C8orf74: variants seen among roughly 807,000 people sequenced by gnomAD.
C8orf74 encodes the protein chromosome 8 open reading frame 74.
C8orf74 carries 29 observed loss-of-function variants against 22.2 expected under a neutral mutation model. The ratio of observed to expected loss-of-function variants is 1.31; its 90% CI spans 0.97 to 1.78. C8orf74 has a LOEUF of 1.78. Ranked by LOEUF, C8orf74 falls within the 40% of genes most tolerant of loss-of-function variation. The pLI is 0.00. For synonymous variants in C8orf74, 255 were observed against 163.1 expected, an observed-to-expected ratio of 1.56 and a Z score of -4.30; for missense variants, 515 against 369.9, an observed-to-expected ratio of 1.39 and a Z score of -3.22.
At chr8:10,677,608 C>A (rs1000117924) in intron 2 of C8orf74, among the ~76,000 whole-genome samples, 1 of 152,090 alleles carries the variant, frequency 6.6e-6, no homozygotes, top group African/African-American at 2.4e-5. Context: ...ACATCATTCC[C>A]ATAGACCCTG....
At chr8:10,675,233 G>C (rs1432328881) in intron 2 of C8orf74, among the ~76,000 whole-genome samples, 1 of 152,198 alleles carries the variant, frequency 6.6e-6, no homozygotes, top group East Asian at 1.9e-4. Flanking sequence ...TGCAGGTGCC[G>C]GGGGAGTCCT....
chr8:10,674,019 C>T (rs1347959372), intron 1 of C8orf74, among the ~76,000 whole-genome samples: 33 of 145,412 alleles, frequency 2.3e-4, no homozygotes, highest in African/African-American at 7.2e-4. Flanking sequence ...CCCCGCAACC[C>T]CCATATCATA....
intron 2 of C8orf74, chr8:10,691,153 C>A (rs1434585110): frequency 4.0e-5 from 14 of 349,382 alleles, no homozygotes; most frequent in East Asian, 3.0e-4. Flanking sequence ...TGTCTGGGGG[C>A]CGAAAGTTAG....
rs911108164 is a variant in C8orf74, at chr8:10,682,209, C to A, written c.241+7371C>A. ...ACCCCTCAGGCGAGACCTGGAGGGGCCTTTAAGTGAGACTTCATGATTGAT... is the reference window on the plus strand; with the variant it reads ...ACCCCTCAGGCGAGACCTGGAGGGGACTTTAAGTGAGACTTCATGATTGAT... On this transcript the variant is annotated intron_variant, in intron 2 of 3. Transcript: ENST00000304519. Among the ~76,000 whole-genome samples the A allele has an allele frequency of 9.9e-5, 15 of 152,266 alleles. No individual in the cohort carries two copies. The East Asian group carries it at 2.7e-3, about 27-fold the overall frequency.
intron 2 of C8orf74, chr8:10,686,465 G>C (rs1469914764): frequency 6.6e-6 from 1 of 152,234 alleles, no homozygotes; most frequent in African/African-American, 2.4e-5. Flanking sequence ...CTTAGCACTG[G>C]GCAGCAACCA....
rs772532179 is a variant in C8orf74 at position 10,691,339 on chromosome 8, G to C, written c.242-6260G>C. 6.4e-5 allele frequency: 12 copies of C among 186,172 alleles called. No individual in the cohort carries two copies. In the East Asian group the frequency reaches 1.4e-3, roughly 22 times the overall value. 11.5% of individuals were successfully genotyped at this position (186,172 alleles called of 1,614,324 possible). A position where few individuals can be genotyped will look rare whatever the true frequency, so the allele number is the denominator to read the frequency against. ...CACATTCACACTACTGAGCCTGGCA[G>C]ACTTCTCTTTTCAGATCTGGGTTTT... is the stretch of plus-strand genomic sequence containing the variant. On this transcript the variant is annotated intron_variant, in intron 2 of 3. Transcript: ENST00000304519.
At chr8:10,684,614 C>T (rs539408242) in intron 2 of C8orf74, among the ~76,000 whole-genome samples, 1 of 152,260 alleles carries the variant, frequency 6.6e-6, no homozygotes, top group African/African-American at 2.4e-5. Flanking sequence ...ATTTCAAAAC[C>T]CCAAGGGGTG....
chr8:10,684,125 A>G (rs1023815404), intron 2 of C8orf74, among the ~76,000 whole-genome samples: 13 of 152,158 alleles, frequency 8.5e-5, no homozygotes, highest in Non-Finnish European at 1.8e-4. Context: ...CCCTCTGCCC[A>G]TATCATCTCA....
chr8:10,700,437 C>T lies in C8orf74; in HGVS notation c.851C>T (p.Ala284Val), dbSNP rs199982496. The change falls in exon 4 of 4, where the codon GCG becomes GTG. Residue 284 changes from alanine to valine, a missense_variant. Physicochemically the swap from Ala to Val is moderately conservative, Grantham distance 64. Transcript: ENST00000304519. ...GAGGAAGCCCTGAAGCCCCAAAGAGCGAGCAAAGGAAAGAAAGCGAAGGCA... is the reference window on the plus strand; with the variant it reads ...GAGGAAGCCCTGAAGCCCCAAAGAGTGAGCAAAGGAAAGAAAGCGAAGGCA... ...GQEEALKPQR[A>V]SKGKKAKARK 44 of 1,602,580 alleles carry T rather than the reference C, an allele frequency of 2.7e-5. No individual in the cohort carries two copies. In the Admixed American group the frequency reaches 2.9e-4, roughly 11 times the overall value.
At chr8:10,698,605 G>C (rs1050823012) in intron 3 of C8orf74, among the ~76,000 whole-genome samples, 6 of 152,144 alleles carry the variant, frequency 3.9e-5, no homozygotes, top group African/African-American at 1.2e-4. Flanking sequence ...CCCATGACCA[G>C]CTCTTCAATG....
In C8orf74 at chr8:10,677,317, G is replaced by A. The variant is rs532523710; in HGVS notation, c.241+2479G>A. Among the ~76,000 whole-genome samples, 5 of 152,226 alleles carry A rather than the reference G, an allele frequency of 3.3e-5. No homozygotes were observed. In the East Asian group the frequency reaches 9.7e-4, roughly 29 times the overall value. Reference sequence around the variant, plus strand: ...TGTGGGCCCTGAGCATATTTATTGGGCTTCATATAATGCGACTAAGTACAT... The same window carrying A: ...TGTGGGCCCTGAGCATATTTATTGGACTTCATATAATGCGACTAAGTACAT... On this transcript the variant is annotated intron_variant, in intron 2 of 3. Coordinates refer to ENST00000304519, the MANE Select transcript of C8orf74 (RefSeq NM_001040032.2).
chr8:10,677,138 T>G (rs1799049746), intron 2 of C8orf74, among the ~76,000 whole-genome samples: 1 of 152,014 alleles, frequency 6.6e-6, no homozygotes, highest in South Asian at 2.1e-4. Context: ...TCTTCCAGCT[T>G]CCACAGACAC....
intron 2 of C8orf74, chr8:10,675,524 G>A (rs1414424602): frequency 1.3e-5 from 2 of 152,186 alleles, no homozygotes; most frequent in African/African-American, 2.4e-5. Context: ...TGAGAAATGG[G>A]ATACTTCCAT....
At chr8:10,693,231 C>T (rs1799421587) in intron 2 of C8orf74, among the ~76,000 whole-genome samples, 1 of 152,222 alleles carries the variant, frequency 6.6e-6, no homozygotes, top group African/African-American at 2.4e-5. Context: ...GGCCTTTGCA[C>T]AAGCTGCTCC....
chr8:10,690,565 C>G (rs918853440), intron 2 of C8orf74, among the ~76,000 whole-genome samples: 1 of 152,110 alleles, frequency 6.6e-6, no homozygotes, highest in African/African-American at 2.4e-5. Context: ...TGGTTCCTGC[C>G]CCTGGGAGGC....
At chr8:10,697,457 T>C (rs1030892625) in intron 2 of C8orf74, 142 bp from the exon 3 acceptor site, 4 of 670,776 alleles carry the variant, frequency 6.0e-6, no homozygotes, top group Non-Finnish European at 9.7e-6. Context: ...TCAAAAAAAA[T>C]AAATAGAAAT....
At chr8:10,691,051 C>CGAGGCCCAGGGAGT in intron 2 of C8orf74, 1 of 416,282 alleles carries the variant, frequency 2.4e-6, no homozygotes, top group South Asian at 1.7e-5. Context: ...CTTCTCAACC[C>CGAGGCCCAGGGAGT]GAGGCCCAGG....
intron 2 of C8orf74, among the ~76,000 whole-genome samples, chr8:10,683,166 T>G (rs546701651): frequency 1.2e-4 from 19 of 152,212 alleles, no homozygotes; most frequent in Non-Finnish European, 2.5e-4. Context: ...AACACCTGGA[T>G]GAGCCAGGTC....
intron 2 of C8orf74, among the ~76,000 whole-genome samples, chr8:10,676,090 C>T (rs1799026856): frequency 6.6e-6 from 1 of 152,076 alleles, no homozygotes; most frequent in African/African-American, 2.4e-5. Flanking sequence ...GGGTGGGGCA[C>T]TTCTTTTAAG....
Sources: allele counts gnomAD v4.1 joint callset (sites outside exome capture counted in the v4.1 genomes callset), GRCh38; gene constraint gnomAD v4.1.1; transcripts MANE v1.5; gene names NCBI Gene and HGNC (gene_info 2026-07-23, HGNC 2026-07-21).